Variants in CCZ1B observed in about 807,000 individuals in gnomAD.
The protein encoded by CCZ1B is vacuolar fusion protein CCZ1 homolog B.
Under a neutral mutation model 58.8 loss-of-function variants are expected in CCZ1B, and 25 were observed. The observed-to-expected ratio is 0.43, with a 90% CI of 0.31 to 0.59. The LOEUF (loss-of-function observed/expected upper bound fraction) is 0.59. Ranked by LOEUF, CCZ1B falls within the 20% of genes least tolerant of loss-of-function variation. CCZ1B has a pLI of 0.12. For missense variants in CCZ1B, 180 were observed against 501.5 expected, an observed-to-expected ratio of 0.36 and a Z score of 6.12; for synonymous variants, 66 against 173.2, an observed-to-expected ratio of 0.38 and a Z score of 4.86.
chr7:6,819,889 C>G lies in CCZ1B; in HGVS notation c.575G>C (p.Gly192Ala). 1.2e-6 allele frequency: 2 copies of G among 1,601,768 alleles called. No individual in the cohort carries two copies. Among genetic ancestry groups the G allele is most frequent in the Non-Finnish European group, 1.7e-6 (2 of 1,175,090 alleles). Residue 192 changes from glycine (G) to alanine (A), a missense_variant, in exon 7 of 15, where the codon GGA becomes GCA. Coordinates refer to ENST00000316731, the MANE Select transcript of CCZ1B (RefSeq NM_198097.5). ...QSCDLLDIFG[G>A]ISFFPLDKMT... is the part of the protein sequence containing the mutation. ...TTTATCCAACGGGAAGAAGCTGATT[C>G]CACCAAAAATGTCAAGTAGGTCACA...
intron 8 of CCZ1B, among the ~76,000 whole-genome samples, chr7:6,813,479 G>C (rs1250133418): frequency 6.7e-6 from 1 of 149,212 alleles, no homozygotes; most frequent in East Asian, 1.9e-4. Context: ...TTGGGAGGCT[G>C]AGGTGACAGG....
At chr7:6,800,362 T>TA (rs113781925) in intron 14 of CCZ1B, among the ~76,000 whole-genome samples, 33,531 of 130,912 alleles carry the variant, frequency 0.26, 1,952 homozygotes, top group South Asian at 0.41. Flanking sequence ...CACAGGATAT[T>TA]AAAAAAGGAC....
intron 7 of CCZ1B, among the ~76,000 whole-genome samples, chr7:6,818,893 G>A (rs142624555): frequency 0.013 from 1,901 of 148,370 alleles, 197 homozygotes; most frequent in African/African-American, 0.046. Context: ...TTGTGCCCAC[G>A]TTGTTCCTAC....
chr7:6,810,649 TCTTA>T lies in CCZ1B; in HGVS notation c.954+1299_954+1302del, dbSNP rs1425336122. Among the ~76,000 whole-genome samples, 7 of 148,390 alleles carry T rather than the reference TCTTA, an allele frequency of 4.7e-5. No individual in the cohort carries two copies. In the East Asian group the frequency reaches 1.2e-3, roughly 25 times the overall value. ...TAAACATTTTCCTGTCGACACAGGG[TCTTA>T]CTATGTTGCCCAGGCTGGCCTCCAA... On this transcript the variant is annotated intron_variant, in intron 10 of 14. Coordinates refer to ENST00000316731, the MANE Select transcript of CCZ1B (RefSeq NM_198097.5).
chr7:6,817,305 G>A (rs1276272525), intron 7 of CCZ1B, among the ~76,000 whole-genome samples: 1 of 151,474 alleles, frequency 6.6e-6, no homozygotes, highest in Non-Finnish European at 1.5e-5. Context: ...CTGGCTCCAG[G>A]GTCTCCCAGA....
At chr7:6,820,765 TACA>T (rs1783096311) in intron 6 of CCZ1B, among the ~76,000 whole-genome samples, 2 of 148,600 alleles carry the variant, frequency 1.3e-5, no homozygotes, top group Admixed American at 6.7e-5. Context: ...CTAATAAAAT[TACA>T]ACATTAGCCG....
rs1271823534 is a variant in CCZ1B at position 6,816,353 on chromosome 7, C to T, written c.699-1508G>A. ...AAAATTTGCTAGGCCTGATAGCACA[C>T]ACCTCTAATCCCAGCTACTTGGGAG... On this transcript the variant is annotated intron_variant, in intron 7 of 14. Coordinates refer to ENST00000316731, the MANE Select transcript of CCZ1B (RefSeq NM_198097.5). 5.4e-5 allele frequency among the ~76,000 whole-genome samples: 8 copies of T among 148,964 alleles called. 1 individual carries two copies. Among genetic ancestry groups the T allele is most frequent in the Non-Finnish European group, 8.9e-5 (6 of 67,588 alleles).
intron 6 of CCZ1B, among the ~76,000 whole-genome samples, chr7:6,820,960 A>G (rs1368474312): frequency 6.7e-6 from 1 of 149,068 alleles, no homozygotes; most frequent in Non-Finnish European, 1.5e-5. Context: ...TGCTCTTCAA[A>G]TTAGACTAAC....
At chr7:6,823,971 T>C in intron 4 of CCZ1B, 118 bp downstream of exon 4, 1 of 618,008 alleles carries the variant, frequency 1.6e-6, no homozygotes, top group Middle Eastern at 4.5e-4. Context: ...ACCTTTGCTA[T>C]ATACCCCGAG....
intron 7 of CCZ1B, among the ~76,000 whole-genome samples, chr7:6,818,346 T>G (rs1483861793): frequency 6.7e-6 from 1 of 149,094 alleles, no homozygotes; most frequent in Non-Finnish European, 1.5e-5. Context: ...GTCAGGAGTT[T>G]AGGACCAGCC....
At position 6,824,118 on chromosome 7, in the gene CCZ1B, C is replaced by G. The variant is rs766772328; in HGVS notation, c.361G>C (p.Val121Leu). Reference protein sequence around the residue: ...IEKQSKDGKPVIEYQEEELLD... With the variant: ...IEKQSKDGKPLIEYQEEELLD... ...AACTCCTCCTCTTGATATTCAATAA[C>G]TGGTTTTCCATCTTTACTCTGTTTT... The change falls in exon 4 of 15, where the codon GTT becomes CTT. Residue 121 changes from valine (V) to leucine (L), a missense_variant. Coordinates refer to ENST00000316731, the MANE Select transcript of CCZ1B (RefSeq NM_198097.5). The G allele has an allele frequency of 6.7e-7, 1 of 1,491,150 alleles. No individual in the cohort carries two copies. Among genetic ancestry groups the G allele is most frequent in the Non-Finnish European group, 9.0e-7 (1 of 1,108,508 alleles). 92.4% of individuals were successfully genotyped at this position (1,491,150 alleles called of 1,614,324 possible).
At chr7:6,812,780 G>C (rs2711205) in intron 9 of CCZ1B, among the ~76,000 whole-genome samples, 196 bp downstream of exon 9, 4,046 of 123,192 alleles carry the variant, frequency 0.033, 134 homozygotes, top group African/African-American at 0.11. Flanking sequence ...AAATGAATTA[G>C]CCAGGCATAG....
intron 1 of CCZ1B, among the ~76,000 whole-genome samples, chr7:6,825,542 G>A (rs1281212718): frequency 4.0e-5 from 5 of 124,512 alleles, no homozygotes; most frequent in Non-Finnish European, 8.2e-5. Context: ...GAGTCACAGC[G>A]CCCAGCCTGG....
intron 7 of CCZ1B, among the ~76,000 whole-genome samples, chr7:6,819,386 C>A (rs1481219501): frequency 6.8e-6 from 1 of 148,010 alleles, no homozygotes; most frequent in Non-Finnish European, 1.5e-5. Flanking sequence ...CAGGCATGCA[C>A]CACCACGCCC....
Position 6,819,756 on chromosome 7 carries a change from G to A in CCZ1B, c.698+10C>T. 3 of 1,443,872 alleles carry A rather than the reference G, an allele frequency of 2.1e-6. No homozygotes were observed. The South Asian group carries it at 3.7e-5, about 18-fold the overall frequency. 89.4% of individuals were successfully genotyped at this position (1,443,872 alleles called of 1,614,324 possible). A position where few individuals can be genotyped will look rare whatever the true frequency, so the allele number is the denominator to read the frequency against. ...TCTTCTTTTAATACCATGCCTCGGG[G>A]TGTACCTACCAGATGAGCTGATCGT... On this transcript the variant is annotated intron_variant, in intron 7 of 14. Coordinates refer to ENST00000316731, the MANE Select transcript of CCZ1B (RefSeq NM_198097.5).
At position 6,821,707 on chromosome 7, in the gene CCZ1B, C is replaced by G. The variant is rs1174890239; in HGVS notation, c.522+574G>C. On this transcript the variant is annotated intron_variant, in intron 6 of 14. Transcript: ENST00000316731. ...TGGGCAAAACAGCCAAGACAAGACCCTGTCTCTTTGTTTCCTTTTAAAAAA... is the reference window on the plus strand; with the variant it reads ...TGGGCAAAACAGCCAAGACAAGACCGTGTCTCTTTGTTTCCTTTTAAAAAA... 2.0e-5 allele frequency among the ~76,000 whole-genome samples: 3 copies of G among 150,954 alleles called. No homozygotes were observed. In the East Asian group the frequency reaches 5.8e-4, roughly 29 times the overall value.
At chr7:6,803,712 C>T (rs1782793143) in intron 12 of CCZ1B, among the ~76,000 whole-genome samples, 2 of 148,156 alleles carry the variant, frequency 1.3e-5, no homozygotes. Context: ...GCCTGTCATC[C>T]CAGCACTTTG....
At chr7:6,824,832 C>G in intron 1 of CCZ1B, 95 bp from the exon 2 acceptor site, 3 of 1,422,444 alleles carry the variant, frequency 2.1e-6, no homozygotes, top group Non-Finnish European at 2.8e-6. Context: ...TTGTGTCACA[C>G]ATGCTAATGA....
At chr7:6,818,659 A>C (rs868138910) in intron 7 of CCZ1B, among the ~76,000 whole-genome samples, 5,642 of 121,120 alleles carry the variant, frequency 0.047, 61 homozygotes, top group East Asian at 0.22. Context: ...GACAGAAAGA[A>C]AGACAGACAG....
Sources: allele counts gnomAD v4.1 joint callset (sites outside exome capture counted in the v4.1 genomes callset), GRCh38; gene constraint gnomAD v4.1.1; transcripts MANE v1.5; gene names NCBI Gene and HGNC (gene_info 2026-07-23, HGNC 2026-07-21).